RALGDS: variants seen among roughly 807,000 people sequenced by gnomAD.
RALGDS encodes the protein ral guanine nucleotide exchange factor.
In RALGDS, 44 loss-of-function variants were observed where a neutral mutation model predicts 99.8. That is an observed-to-expected ratio of 0.44 (90% CI 0.35 to 0.57). RALGDS has a LOEUF of 0.57. Ranked by LOEUF, RALGDS falls within the 20% of genes least tolerant of loss-of-function variation. The pLI is 0.01. For missense variants in RALGDS, 1,022 were observed against 1,203.1 expected (o/e 0.85, Z 2.23); for synonymous variants, 529 against 505.0 (o/e 1.05, Z -0.64).
chr9:133,119,841 C>T (rs1424828128), intron 1 of RALGDS, among the ~76,000 whole-genome samples: 7 of 152,136 alleles, frequency 4.6e-5, no homozygotes, highest in Non-Finnish European at 7.4e-5. Context: ...CAACACTGGG[C>T]GGAGAAACAA....
At chr9:133,119,896 G>A (rs927927520) in intron 1 of RALGDS, among the ~76,000 whole-genome samples, 13 of 152,306 alleles carry the variant, frequency 8.5e-5, no homozygotes, top group South Asian at 2.1e-4. Context: ...CAAGAGGCAC[G>A]AGACTCAGGC....
In RALGDS at chr9:133,098,719, G is replaced by C. The variant is rs756428809; in HGVS notation, c.2613C>G (p.Asn871Lys). 6.2e-7 allele frequency: 1 copy of C among 1,614,118 alleles called. No homozygotes were observed. Among genetic ancestry groups the C allele is most frequent in the South Asian group, 1.1e-5 (1 of 91,082 alleles). The change falls in exon 18 of 18, where the codon AAC becomes AAG. Residue 871 changes from asparagine to lysine, a missense_variant. Physicochemically the swap from Asn to Lys is moderately conservative, Grantham distance 94. Transcript: ENST00000372050. Reference sequence around the variant, plus strand: ...GGACAAAGTCATAGTTGGCGGTAGAGTTCATGGCATAGAAGACGTTGGCGT... The same window carrying C: ...GGACAAAGTCATAGTTGGCGGTAGACTTCATGGCATAGAAGACGTTGGCGT... ...PENANVFYAM[N>K]STANYDFVLK...
rs1202986313 is a variant in RALGDS, at chr9:133,101,947, C to A, written c.2202G>T (p.Gln734His). ...AAGGGCAGGCAGTCACCTTCTTTTC[C>A]TGGCCATCAGGAGACTCCGGGACGA... ...ISFVPESPDGQEKKFWESASQ... is the reference protein window; with the variant it reads ...ISFVPESPDGHEKKFWESASQ... The change falls in exon 15 of 18, where the codon CAG (glutamine) becomes CAT (histidine). Residue 734 changes from glutamine (Q) to histidine (H), a missense_variant. Coordinates refer to ENST00000372050, the MANE Select transcript of RALGDS (RefSeq NM_006266.4). The A allele has an allele frequency of 9.0e-6, 14 of 1,551,068 alleles. No homozygotes were observed. Among genetic ancestry groups the A allele is most frequent in the Non-Finnish European group, 1.1e-5 (13 of 1,147,072 alleles).
chr9:133,133,080 A>G (rs1198412359), upstream of RALGDS, among the ~76,000 whole-genome samples: 1 of 152,110 alleles, frequency 6.6e-6, no homozygotes, highest in East Asian at 1.9e-4. Flanking sequence ...AGGGCCTTGC[A>G]TCTCTCACAC....
At position 133,108,181 on chromosome 9, in the gene RALGDS, A is replaced by C; in HGVS notation, c.1004T>G (p.Leu335Arg). The change falls in exon 6 of 18, where the codon CTA becomes CGA. Residue 335 changes from leucine to arginine, a missense_variant. Around this residue, in one of 3 missense-constraint regions of RALGDS, gnomAD observed 825 missense variants for 994.5 expected, o/e 0.83. Coordinates refer to ENST00000372050, the MANE Select transcript of RALGDS (RefSeq NM_006266.4). ...LESAPAPALE[L>R]EPAPEQDPAP... ...TGGATCCTGTTCTGGAGCTGGCTCT[A>C]GTTCCAGAGCTGGCGCTGGAGCCGA... is the stretch of plus-strand genomic sequence containing the variant. The C allele has an allele frequency of 1.2e-6, 2 of 1,611,834 alleles. No homozygotes were observed. The highest frequency in any genetic ancestry group is 1.7e-6 in the Non-Finnish European group (2 of 1,179,880).
At chr9:133,120,427 G>GTC (rs1491378609) in intron 1 of RALGDS, among the ~76,000 whole-genome samples, 2 of 29,010 alleles carry the variant, frequency 6.9e-5, no homozygotes, top group Admixed American at 6.2e-4. Context: ...CCCATCCCCC[G>GTC]ACCCCCCCCC....
chr9:133,106,160 G>C, intron 8 of RALGDS, 144 bp from the exon 9 acceptor site: 1 of 682,138 alleles, frequency 1.5e-6, no homozygotes, highest in Non-Finnish European at 2.7e-6. Context: ...ACGCTCTGCA[G>C]GTCTGGGGAG....
chr9:133,131,379 A>G (rs1832330624), upstream of RALGDS, among the ~76,000 whole-genome samples: 1 of 152,018 alleles, frequency 6.6e-6, no homozygotes, highest in African/African-American at 2.4e-5. Context: ...CCCTGTGGCC[A>G]GAACAAGTCA....
At chr9:133,116,103 C>T (rs1831593084) in intron 1 of RALGDS, among the ~76,000 whole-genome samples, 1 of 151,718 alleles carries the variant, frequency 6.6e-6, no homozygotes, top group Non-Finnish European at 1.5e-5. Flanking sequence ...GACCATGAGC[C>T]CCATCAAGGG....
chr9:133,104,098 G>A (rs1830899525), intron 10 of RALGDS, among the ~76,000 whole-genome samples, 165 bp downstream of exon 10: 1 of 152,214 alleles, frequency 6.6e-6, no homozygotes, highest in Non-Finnish European at 1.5e-5. Flanking sequence ...TTTCGTGGCT[G>A]CAGCTGGTCT....
In RALGDS at chr9:133,100,565, G is replaced by A. The variant is rs4355920; in HGVS notation, c.2455-183C>T. ...CTCCTACTCCCCAAGTGAGGCCTCC[G>A]TCCTTCTGTTCCCCATGTGAGGCCT... is the stretch of plus-strand genomic sequence containing the variant. On this transcript the variant is annotated intron_variant, in intron 16 of 17. Coordinates refer to ENST00000372050, the MANE Select transcript of RALGDS (RefSeq NM_006266.4). The A allele has an allele frequency of 4.0e-3, 5,861 of 1,467,856 alleles. 31 individuals carry two copies. The highest frequency in any genetic ancestry group is 0.013 in the South Asian group (989 of 73,574). 90.9% of individuals were successfully genotyped at this position (1,467,856 alleles called of 1,614,324 possible). A position where few individuals can be genotyped will look rare whatever the true frequency, so the allele number is the denominator to read the frequency against.
upstream of RALGDS, among the ~76,000 whole-genome samples, chr9:133,126,117 A>G (rs771663543): frequency 7.2e-5 from 11 of 152,122 alleles, no homozygotes; most frequent in Non-Finnish European, 1.5e-4. Flanking sequence ...ATCACTAAGC[A>G]CTGCCCGGAA....
intron 1 of RALGDS, among the ~76,000 whole-genome samples, chr9:133,130,591 A>C (rs923813764): frequency 1.3e-5 from 2 of 152,196 alleles, no homozygotes; most frequent in Admixed American, 1.3e-4. Flanking sequence ...AAATGAGTAC[A>C]TTTGGCTTTT....
At chr9:133,135,332 A>G (rs951104205), upstream of RALGDS, among the ~76,000 whole-genome samples, 2 of 152,206 alleles carry the variant, frequency 1.3e-5, no homozygotes, top group Non-Finnish European at 2.9e-5. Context: ...CAGGCAGGAC[A>G]GTAATTCAGC....
chr9:133,098,819 C>A, intron 17 of RALGDS, 57 bp from the exon 18 acceptor site: 1 of 1,558,568 alleles, frequency 6.4e-7, no homozygotes, highest in Non-Finnish European at 8.8e-7. Context: ...CTGCAGGATA[C>A]CCCTACCGCT....
chr9:133,127,570 G>T (rs1020344952), intron 1 of RALGDS, among the ~76,000 whole-genome samples: 2 of 152,240 alleles, frequency 1.3e-5, no homozygotes, highest in African/African-American at 4.8e-5. Context: ...TAGGTCCTGG[G>T]GTGGCCCTCT....
chr9:133,098,003 C>G lies in RALGDS; in HGVS notation c.*584G>C, dbSNP rs1830581822. The G allele has an allele frequency of 4.0e-6, 1 of 247,620 alleles. No individual in the cohort carries two copies. The highest frequency in any genetic ancestry group is 7.9e-6 in the Non-Finnish European group (1 of 126,374). The allele number at this position is 247,620 out of a possible 1,614,324, so 15.3% of individuals were successfully genotyped here. On this transcript the variant is annotated 3_prime_UTR_variant, in exon 18 of 18. Transcript: ENST00000372050. ...TGGGACTGTCCTCACTCACCGGGTGCAGAGTCTGGTCCATGAAGAGGGTTT... is the reference window on the plus strand; with the variant it reads ...TGGGACTGTCCTCACTCACCGGGTGGAGAGTCTGGTCCATGAAGAGGGTTT...
intron 1 of RALGDS, among the ~76,000 whole-genome samples, chr9:133,137,437 G>A (rs1339193754): frequency 6.6e-6 from 1 of 152,244 alleles, no homozygotes; most frequent in African/African-American, 2.4e-5. Flanking sequence ...GGAGGTTCTT[G>A]TGGGAAGATC....
At chr9:133,100,644 A>G (rs953252218) in intron 16 of RALGDS, 11 of 1,362,984 alleles carry the variant, frequency 8.1e-6, no homozygotes, top group Non-Finnish European at 1.0e-5. Flanking sequence ...TTCTCCTGTA[A>G]GAGACTGTTC....
Sources: allele counts gnomAD v4.1 joint callset (sites outside exome capture counted in the v4.1 genomes callset), GRCh38; gene constraint gnomAD v4.1.1; regional missense constraint gnomAD v4.1.1; transcripts MANE v1.5; gene names NCBI Gene and HGNC (gene_info 2026-07-23, HGNC 2026-07-21).